The following MSH6 variants were observed in gnomAD, a reference collection of about 807,000 sequenced individuals.
MSH6 encodes DNA mismatch repair protein Msh6.
A neutral mutation model predicts 119.1 loss-of-function variants in MSH6; 85 were observed. The observed-to-expected ratio is 0.71, with a 90% CI of 0.60 to 0.85. The LOEUF (loss-of-function observed/expected upper bound fraction) is 0.85, where lower values mean the gene tolerates loss of function less well. MSH6 is among the 40% of genes least tolerant of loss of function. MSH6 has a pLI of 0.00. For missense variants in MSH6, 2,163 were observed against 1,655.3 expected, an observed-to-expected ratio of 1.31 and a Z score of -5.32; for synonymous variants, 830 against 586.9, an observed-to-expected ratio of 1.41 and a Z score of -5.99.
At chr2:47,789,028 T>G (rs540580418) in intron 1 of MSH6, among the ~76,000 whole-genome samples, 5 of 145,088 alleles carry the variant, frequency 3.4e-5, no homozygotes, top group Admixed American at 7.3e-5. Flanking sequence ...CGGGTTCAAG[T>G]GATTCTCCTG....
chr2:47,809,138 C>T (rs747034865), downstream of MSH6: 1 of 1,428,586 alleles, frequency 7.0e-7, no homozygotes, highest in South Asian at 1.2e-5. Flanking sequence ...TTTCAGGACT[C>T]AAATATATTT....
At chr2:47,789,502 TC>T in intron 1 of MSH6, 1 of 439,756 alleles carries the variant, frequency 2.3e-6, no homozygotes, top group Non-Finnish European at 4.6e-6. Context: ...ATAATTCTTT[TC>T]TAATGATCTT....
At chr2:47,791,196 C>G (rs2104116592) in intron 2 of MSH6, 73 bp downstream of exon 2, 1 of 1,416,114 alleles carries the variant, frequency 7.1e-7, no homozygotes, top group Non-Finnish European at 9.9e-7. Flanking sequence ...GACAGACAGG[C>G]AGACTTTTTT....
In MSH6 at chr2:47,799,150, CG is replaced by C. The variant is rs753796271; in HGVS notation, c.1168del (p.Asp390IlefsTer21). 3.1e-6 allele frequency: 5 copies of C among 1,613,688 alleles called. No homozygotes were observed. The Admixed American group carries it at 8.3e-5, about 27-fold the overall frequency. On this transcript the variant is annotated frameshift_variant, in exon 4 of 10. Coordinates refer to ENST00000234420, the MANE Select transcript of MSH6 (RefSeq NM_000179.3). LOFTEE classifies it high-confidence loss of function. The part of the protein sequence containing the change: ...DEHRRRPDHP[D>X]FDASTLYVPE... The stretch of plus-strand genomic sequence containing the variant: ...AGCACAGGAGGAGGCCTGATCACCC[CG>C]ATTTTGATGCATCTACACTCTATGT...
In MSH6 at chr2:47,806,588, T is replaced by A. The variant is rs762115705; in HGVS notation, c.3938T>A (p.Ile1313Asn). 6.2e-7 allele frequency: 1 copy of A among 1,613,590 alleles called. No individual in the cohort carries two copies. Among genetic ancestry groups the A allele is most frequent in the Non-Finnish European group, 8.5e-7 (1 of 1,179,850 alleles). ...CTTGCTAATCTCCCAGAGGAAGTTA[T>A]TCAAAAGGGACATAGAAAAGCAAGA... The part of the protein sequence containing the change: ...ARLANLPEEV[I>N]QKGHRKAREF... The change falls in exon 9 of 10, where the codon ATT (isoleucine) becomes AAT (asparagine). Residue 1313 changes from isoleucine (I) to asparagine (N), a missense_variant. Transcript: ENST00000234420.
At position 47,806,920 on chromosome 2, in the gene MSH6, T is replaced by TTATG; in HGVS notation, c.*61_*64dup. ...ACAAAGGTGGTAAATTCAGACAACA[T>TTATG]TATGATCTAATAAACTTTATTTTTT... is the stretch of plus-strand genomic sequence containing the variant. On this transcript the variant is annotated 3_prime_UTR_variant, in exon 10 of 10. Coordinates refer to ENST00000234420, the MANE Select transcript of MSH6 (RefSeq NM_000179.3). The TTATG allele has an allele frequency of 8.2e-7, 1 of 1,216,068 alleles. No homozygotes were observed. Among genetic ancestry groups the TTATG allele is most frequent in the Admixed American group, 1.8e-5 (1 of 55,904 alleles). The allele number at this position is 1,216,068 out of a possible 1,614,324, so 75.3% of individuals were successfully genotyped here.
At chr2:47,808,107 A>C (rs1343080179), downstream of MSH6, 6 of 1,594,004 alleles carry the variant, frequency 3.8e-6, no homozygotes, top group Non-Finnish European at 5.1e-6. Flanking sequence ...CTTTTTCTTT[A>C]GGGAAGGAAT....
At chr2:47,784,967 G>C (rs1668260957) in intron 1 of MSH6, 1 of 151,934 alleles carries the variant, frequency 6.6e-6, no homozygotes, top group African/African-American at 2.4e-5. Flanking sequence ...TGGGACTACA[G>C]GTGCGCCCCA....
At chr2:47,788,892 CT>C (rs1668519899) in intron 1 of MSH6, among the ~76,000 whole-genome samples, 1 of 64,720 alleles carries the variant, frequency 1.5e-5, no homozygotes, top group Non-Finnish European at 3.0e-5. Flanking sequence ...CTATTTCTTT[CT>C]TTCTTTCTTC....
chr2:47,807,569 C>T (rs957079446), downstream of MSH6: 1 of 215,092 alleles, frequency 4.6e-6, no homozygotes, highest in East Asian at 7.1e-5. Flanking sequence ...GCTAACAAAA[C>T]AGGGCACATT....
chr2:47,807,838 C>T (rs989837646), downstream of MSH6: 1 of 302,306 alleles, frequency 3.3e-6, no homozygotes, highest in African/African-American at 2.1e-5. Context: ...ACCAGCTTTT[C>T]AGAAGTTGGT....
intron 6 of MSH6, 36 bp downstream of exon 6, chr2:47,805,063 G>A (rs1669888078): frequency 2.9e-6 from 4 of 1,359,524 alleles, no homozygotes; most frequent in Non-Finnish European, 4.2e-6. Context: ...TTCTCATTCA[G>A]TCATTTAGAT....
intron 1 of MSH6, among the ~76,000 whole-genome samples, chr2:47,785,141 C>G (rs1310643798): frequency 6.7e-6 from 1 of 150,042 alleles, no homozygotes; most frequent in Non-Finnish European, 1.5e-5. Flanking sequence ...ATACTAAACA[C>G]AAAGTTTAAT....
chr2:47,803,369 T>C (rs2104469796), intron 4 of MSH6, 51 bp from the exon 5 acceptor site: 7 of 1,613,228 alleles, frequency 4.3e-6, no homozygotes, highest in East Asian at 2.2e-5. Flanking sequence ...ACACTTAGGC[T>C]GATAAAACCC....
downstream of MSH6, chr2:47,809,532 A>G (rs942553645): frequency 5.1e-6 from 6 of 1,167,478 alleles, no homozygotes; most frequent in Non-Finnish European, 6.2e-6. Flanking sequence ...ATCAAGTTAT[A>G]AAACGGCTTC....
At chr2:47,795,015 G>A (rs1202295958) in intron 2 of MSH6, among the ~76,000 whole-genome samples, 1 of 152,104 alleles carries the variant, frequency 6.6e-6, no homozygotes. Context: ...GGTTGGTCTT[G>A]AACTCCTGAC....
rs1303026707 is a variant in MSH6, at chr2:47,799,895, C to T, written c.1912C>T (p.Leu638Phe). 6.2e-7 allele frequency: 1 copy of T among 1,614,104 alleles called. No individual in the cohort carries two copies. Among genetic ancestry groups the T allele is most frequent in the Non-Finnish European group, 8.5e-7 (1 of 1,180,018 alleles). Residue 638 changes from leucine to phenylalanine, a missense_variant, in exon 4 of 10, where the codon CTT (leucine) becomes TTT (phenylalanine). By Grantham distance (22) the Leu-to-Phe change is conservative. Transcript: ENST00000234420. ...WDASKTLRTL[L>F]EEEYFREKLS... is the part of the protein sequence containing the mutation. The stretch of plus-strand genomic sequence containing the variant: ...TGCATCCAAAACTTTGAGAACTCTC[C>T]TTGAGGAAGAATATTTTAGGGAAAA...
chr2:47,795,442 G>GTA (rs1669019515), intron 2 of MSH6, among the ~76,000 whole-genome samples: 1 of 150,158 alleles, frequency 6.7e-6, no homozygotes, highest in African/African-American at 2.5e-5. Flanking sequence ...GTGTGTGTGT[G>GTA]TGTGTGTATA....
chr2:47,808,015 C>A, downstream of MSH6: 1 of 1,046,426 alleles, frequency 9.6e-7, no homozygotes, highest in Non-Finnish European at 1.4e-6. Context: ...ATTTTTAATA[C>A]AGTCTCTTCC....
Sources: gnomAD v4.1 joint callset for allele counts (sites outside exome capture counted in the v4.1 genomes callset) on GRCh38, gnomAD v4.1.1 for gene constraint, MANE v1.5 for transcripts, NCBI Gene and HGNC (gene_info 2026-07-23, HGNC 2026-07-21) for gene names.